Variants in RBM43 observed in about 807,000 individuals in gnomAD.
RBM43 encodes the protein RNA binding motif protein 43.
In RBM43, 12 loss-of-function variants were observed where a neutral mutation model predicts 12.4. The observed-to-expected ratio is 0.97, with a 90% CI of 0.62 to 1.57. RBM43 has a LOEUF of 1.57. Among genes scored for constraint, RBM43 ranks in the 40% most tolerant of loss-of-function variants. The probability of loss-of-function intolerance (pLI) is 0.00; values close to 1 mark genes in which losing one functional copy is unlikely to be tolerated. For synonymous variants in RBM43, 138 were observed against 145.7 expected, an observed-to-expected ratio of 0.95 and a Z score of 0.38; for missense variants, 348 against 400.1, an observed-to-expected ratio of 0.87 and a Z score of 1.11.
rs1682887674 is a variant in RBM43, at chr2:151,250,748, T to C, written c.*158A>G. The C allele has an allele frequency of 1.8e-6, 1 of 555,608 alleles. No individual in the cohort carries two copies. Among genetic ancestry groups the C allele is most frequent in the Non-Finnish European group, 3.1e-6 (1 of 324,274 alleles). 34.4% of individuals were successfully genotyped at this position (555,608 alleles called of 1,614,324 possible). On this transcript the variant is annotated 3_prime_UTR_variant, in exon 4 of 4. Coordinates refer to ENST00000331426, the MANE Select transcript of RBM43 (RefSeq NM_198557.3). The stretch of plus-strand genomic sequence containing the variant: ...AAAGTGTTTTAACTTCTCCAAATCC[T>C]AGTTTCTTCCGCTGTAACATGAGGA...
Position 151,251,572 on chromosome 2 carries a change from G to A in RBM43, c.408C>T (p.Ile136=), listed in dbSNP as rs1043068577. The change falls in exon 4 of 4, where the codon ATC becomes ATT. Residue 136 remains isoleucine, a synonymous_variant. Coordinates refer to ENST00000331426, the MANE Select transcript of RBM43 (RefSeq NM_198557.3). ...ETLVKDLKKK[I]PSLSFSPLKP... is the part of the protein sequence containing the mutation. Reference sequence around the variant, plus strand: ...TCAAAGGACTGAAGCTTAAACTCGGGATTTTTTTTTTCAGGTCTTTTACCA... The same window carrying A: ...TCAAAGGACTGAAGCTTAAACTCGGAATTTTTTTTTTCAGGTCTTTTACCA... The A allele has an allele frequency of 6.2e-7, 1 of 1,613,814 alleles. No individual in the cohort carries two copies. The highest frequency in any genetic ancestry group is 8.5e-7 in the Non-Finnish European group (1 of 1,179,900).
intron 2 of RBM43, among the ~76,000 whole-genome samples, chr2:151,253,531 T>G (rs1682932594): frequency 6.6e-6 from 1 of 152,196 alleles, no homozygotes; most frequent in African/African-American, 2.4e-5. Context: ...AAATGATATT[T>G]AATCCATCAA....
At chr2:151,252,728 C>T (rs368818039) in intron 3 of RBM43, 27 bp downstream of exon 3, 3 of 1,224,690 alleles carry the variant, frequency 2.4e-6, no homozygotes, top group South Asian at 1.2e-5. Context: ...ACAGGACTAT[C>T]AGTACACCTA....
intron 1 of RBM43, among the ~76,000 whole-genome samples, chr2:151,260,394 A>T (rs773822065): frequency 6.6e-6 from 1 of 152,106 alleles, no homozygotes; most frequent in Non-Finnish European, 1.5e-5. Context: ...CCGGGCAGGG[A>T]GATCATTTTC....
chr2:151,261,559 G>T (rs1445147826), intron 1 of RBM43, 166 bp downstream of exon 1: 26 of 1,542,056 alleles, frequency 1.7e-5, no homozygotes, highest in Non-Finnish European at 2.1e-5. Context: ...CGGGGTGGAC[G>T]GCTCTCCGGG....
chr2:151,248,203 A>G lies in RBM43; in HGVS notation c.*2703T>C, dbSNP rs1682844446. 2.6e-5 allele frequency: 4 copies of G among 152,328 alleles called. 1 individual carries two copies. The South Asian group carries it at 8.3e-4, about 32-fold the overall frequency. The allele number at this position is 152,328 out of a possible 1,614,324, so 9.4% of individuals were successfully genotyped here. Reference sequence around the variant, plus strand: ...GTGCTGAATTATGTGAGTAGGACCAAAAGACAAGAGTGATTTTTAACAAGG... The same window carrying G: ...GTGCTGAATTATGTGAGTAGGACCAGAAGACAAGAGTGATTTTTAACAAGG... On this transcript the variant is annotated 3_prime_UTR_variant, in exon 4 of 4. Transcript: ENST00000331426.
intron 3 of RBM43, 30 bp from the exon 4 acceptor site, chr2:151,251,694 G>A: frequency 6.4e-7 from 1 of 1,572,136 alleles, no homozygotes; most frequent in Non-Finnish European, 8.6e-7. Context: ...AATGAAAACA[G>A]TACTGCCTAG....
intron 2 of RBM43, among the ~76,000 whole-genome samples, chr2:151,254,923 C>G (rs565342335): frequency 1.3e-5 from 2 of 152,178 alleles, no homozygotes; most frequent in Admixed American, 6.5e-5. Flanking sequence ...GGGTTTTTCT[C>G]CATTTTGTCG....
chr2:151,252,177 G>C (rs535508100), intron 3 of RBM43, among the ~76,000 whole-genome samples: 7 of 152,026 alleles, frequency 4.6e-5, no homozygotes, highest in African/African-American at 1.7e-4. Context: ...AAGCCTTTAG[G>C]TTGGTACCTG....
chr2:151,250,901 T>C lies in RBM43; in HGVS notation c.*5A>G, dbSNP rs776013282. 3.8e-6 allele frequency: 6 copies of C among 1,577,376 alleles called. No homozygotes were observed. The stretch of plus-strand genomic sequence containing the variant: ...AGCCCTTATGACTATATTGCTGAGA[T>C]TTTATTAACTAACCTTTTGCCCTAT... On this transcript the variant is annotated 3_prime_UTR_variant, in exon 4 of 4. Coordinates refer to ENST00000331426, the MANE Select transcript of RBM43 (RefSeq NM_198557.3).
chr2:151,255,337 G>A lies in RBM43; in HGVS notation c.214+196C>T, dbSNP rs557470526. Reference sequence around the variant, plus strand: ...GGAGGCTGAGGCAGGAGAATCACTTGAACCTGGGAGGCAGAGGTTGCAGTG... The same window carrying A: ...GGAGGCTGAGGCAGGAGAATCACTTAAACCTGGGAGGCAGAGGTTGCAGTG... On this transcript the variant is annotated intron_variant, in intron 2 of 3. Transcript: ENST00000331426. 1.8e-3 allele frequency among the ~76,000 whole-genome samples: 269 copies of A among 151,930 alleles called. 3 individuals carry two copies. The highest frequency in any genetic ancestry group is 6.3e-3 in the African/African-American group (261 of 41,496).
chr2:151,255,681 A>G lies in RBM43; in HGVS notation c.66T>C (p.Leu22=). Residue 22 remains leucine (L), a synonymous_variant, in exon 2 of 4, where the codon CTT becomes CTC. Transcript: ENST00000331426. ...APERTVVVAG[L]PVDLFSDQLL... is the part of the protein sequence containing the mutation. Reference sequence around the variant, plus strand: ...ATTGATCACTAAAAAGGTCAACTGGAAGACCAGCAACTACAACCGTTCTTT... The same window carrying G: ...ATTGATCACTAAAAAGGTCAACTGGGAGACCAGCAACTACAACCGTTCTTT... 6.2e-7 allele frequency: 1 copy of G among 1,614,014 alleles called. No individual in the cohort carries two copies. The highest frequency in any genetic ancestry group is 8.5e-7 in the Non-Finnish European group (1 of 1,179,978).
chr2:151,251,210 G>A lies in RBM43; in HGVS notation c.770C>T (p.Thr257Ile), dbSNP rs1456632040. The change falls in exon 4 of 4, where the codon ACC becomes ATC. Residue 257 changes from threonine (T) to isoleucine (I), a missense_variant. Physicochemically the swap from Thr to Ile is moderately conservative, Grantham distance 89 (BLOSUM62 -1). Transcript: ENST00000331426. ...TTGAATGCTTTTTAGACAAATTGTG[G>A]TGATTTCACCATCCACTTTCTCCTG... ...LSQEKVDGEI[T>I]TICLKSIQVG... 2 of 1,613,802 alleles carry A rather than the reference G, an allele frequency of 1.2e-6. No individual in the cohort carries two copies. Among genetic ancestry groups the A allele is most frequent in the South Asian group, 2.2e-5 (2 of 91,074 alleles).
At chr2:151,254,727 T>TG (rs1255202343) in intron 2 of RBM43, among the ~76,000 whole-genome samples, 2 of 152,130 alleles carry the variant, frequency 1.3e-5, no homozygotes, top group Admixed American at 6.5e-5. Flanking sequence ...AAGTCAGGGA[T>TG]TGGGTGCAGG....
rs1011460372 is a variant in RBM43, at chr2:151,249,185, G to A, written c.*1721C>T. 8.5e-5 allele frequency: 13 copies of A among 152,174 alleles called. No homozygotes were observed. The highest frequency in any genetic ancestry group is 2.4e-4 in the African/African-American group (10 of 41,422). 9.4% of individuals were successfully genotyped at this position (152,174 alleles called of 1,614,324 possible). A position where few individuals can be genotyped will look rare whatever the true frequency, so the allele number is the denominator to read the frequency against. On this transcript the variant is annotated 3_prime_UTR_variant, in exon 4 of 4. Coordinates refer to ENST00000331426, the MANE Select transcript of RBM43 (RefSeq NM_198557.3). The stretch of plus-strand genomic sequence containing the variant: ...CCAAAGGCCAATGATTCTCCATGAG[G>A]TGAGTCAGCTTTGTATCCCACTTCT...
rs953615180 is a variant in RBM43, at chr2:151,252,773, G to C, written c.297C>G (p.Val99=). 2 of 1,597,658 alleles carry C rather than the reference G, an allele frequency of 1.3e-6. No homozygotes were observed. The highest frequency in any genetic ancestry group is 1.7e-6 in the Non-Finnish European group (2 of 1,165,350). The part of the protein sequence containing the change: ...RHAELTVSLR[V]SHFGDKIFSS... ...ACCTTACCTTGTCACCAAAATGAGA[G>C]ACTCTGAGAGAGACTGTGAGTTCAG... The change falls in exon 3 of 4, where the codon GTC becomes GTG. Residue 99 remains valine (V), a synonymous_variant. Transcript: ENST00000331426.
chr2:151,249,624 CCA>C lies in RBM43; in HGVS notation c.*1280_*1281del, dbSNP rs1223044456. On this transcript the variant is annotated 3_prime_UTR_variant, in exon 4 of 4. Transcript: ENST00000331426. Reference sequence around the variant, plus strand: ...GGTCTCAATCTCCTGACCTTGTGATCCACCCGCCTCGGCCTCCCAAAGTGCTG... The same window carrying C: ...GGTCTCAATCTCCTGACCTTGTGATCCCCGCCTCGGCCTCCCAAAGTGCTG... 3.3e-5 allele frequency: 5 copies of C among 152,148 alleles called. No homozygotes were observed. Among genetic ancestry groups the C allele is most frequent in the African/African-American group, 1.2e-4 (5 of 41,406 alleles). The allele number at this position is 152,148 out of a possible 1,614,324, so 9.4% of individuals were successfully genotyped here.
At chr2:151,261,416 T>C in intron 1 of RBM43, 3 of 1,550,566 alleles carry the variant, frequency 1.9e-6, no homozygotes, top group Non-Finnish European at 2.6e-6. Context: ...GCCTGGGCAG[T>C]GGGTGTGGGA....
intron 2 of RBM43, among the ~76,000 whole-genome samples, chr2:151,253,432 C>T (rs573212264): frequency 6.6e-6 from 1 of 152,252 alleles, no homozygotes; most frequent in South Asian, 2.1e-4. Context: ...ACCTCATTAT[C>T]CTAATAGGCA....
Sources: allele counts gnomAD v4.1 joint callset (sites outside exome capture counted in the v4.1 genomes callset), GRCh38; gene constraint gnomAD v4.1.1; transcripts MANE v1.5; gene names NCBI Gene and HGNC (gene_info 2026-07-23, HGNC 2026-07-21).